NOLC1: variants seen among roughly 807,000 people sequenced by gnomAD.
NOLC1 encodes the protein nucleolar and coiled-body phosphoprotein 1, also known as 140 kDa nucleolar phosphoprotein.
NOLC1 carries 37 observed loss-of-function variants against 73.4 expected under a neutral mutation model. The observed-to-expected ratio is 0.50, with a 90% CI of 0.39 to 0.66. The LOEUF (loss-of-function observed/expected upper bound fraction) is 0.66, where lower values mean the gene tolerates loss of function less well. NOLC1 is among the 30% of genes least tolerant of loss of function. NOLC1 has a pLI of 0.00. For synonymous variants in NOLC1, 327 were observed against 302.6 expected, an observed-to-expected ratio of 1.08 and a Z score of -0.84; for missense variants, 921 against 838.9, an observed-to-expected ratio of 1.10 and a Z score of -1.21.
At chr10:102,160,070 G>A in intron 8 of NOLC1, 46 bp downstream of exon 8, 3 of 1,600,060 alleles carry the variant, frequency 1.9e-6, no homozygotes, top group Non-Finnish European at 2.6e-6. Context: ...GTCTGGAGGA[G>A]GGGATGAGGA....
chr10:102,154,424 G>T (rs1696356285), intron 1 of NOLC1, among the ~76,000 whole-genome samples: 1 of 152,028 alleles, frequency 6.6e-6, no homozygotes, highest in African/African-American at 2.4e-5. Flanking sequence ...TTAATGAGAT[G>T]TGTAGTATTA....
intron 10 of NOLC1, 127 bp from the exon 11 acceptor site, chr10:102,161,429 A>G (rs2069707882): frequency 2.9e-6 from 2 of 690,686 alleles, no homozygotes; most frequent in Non-Finnish European, 5.0e-6. Context: ...ACAGAATCTC[A>G]CTATATTGCC....
At position 102,160,725 on chromosome 10, in the gene NOLC1, C is replaced by G. The variant is rs1332473555; in HGVS notation, c.1373C>G (p.Pro458Arg). 6.2e-7 allele frequency: 1 copy of G among 1,614,124 alleles called. No homozygotes were observed. The highest frequency in any genetic ancestry group is 8.5e-7 in the Non-Finnish European group (1 of 1,179,982). The change falls in exon 10 of 13, where the codon CCT becomes CGT. Residue 458 changes from proline to arginine, a missense_variant. By Grantham distance (103) the Pro-to-Arg change is moderately radical. Transcript: ENST00000605788. ...ACTGCCAAAGCAGCTCTATCTCTGC[C>G]TGCCAAGCAGGCTCCTCAGGGTAGT... is the stretch of plus-strand genomic sequence containing the variant. ...KATAKAALSLPAKQAPQGSRD... is the reference protein window; with the variant it reads ...KATAKAALSLRAKQAPQGSRD...
In NOLC1 at chr10:102,157,218, A is replaced by G. The variant is rs1210231771; in HGVS notation, c.206A>G (p.Gln69Arg). 1.2e-6 allele frequency: 2 copies of G among 1,614,108 alleles called. No homozygotes were observed. The highest frequency in any genetic ancestry group is 1.7e-5 in the Admixed American group (1 of 60,002). ...GCCAAGGTCCCAGAGCGAAAGTTAC[A>G]GGCAAATGGACCAGTGGCTAAGAAA... ...KSAKVPERKLQANGPVAKKAK... is the reference protein window; with the variant it reads ...KSAKVPERKLRANGPVAKKAK... Residue 69 changes from glutamine (Q) to arginine (R), a missense_variant, in exon 3 of 13, where the codon CAG becomes CGG. Transcript: ENST00000605788.
intron 1 of NOLC1, among the ~76,000 whole-genome samples, chr10:102,155,842 A>G (rs1207911278): frequency 6.6e-6 from 1 of 150,848 alleles, no homozygotes; most frequent in Non-Finnish European, 1.5e-5. Flanking sequence ...TCAATACAGT[A>G]CTTACTAGTC....
intron 1 of NOLC1, among the ~76,000 whole-genome samples, chr10:102,153,012 A>T (rs1289814519): frequency 6.6e-6 from 1 of 152,264 alleles, no homozygotes; most frequent in Admixed American, 6.5e-5. Flanking sequence ...GAATGAAAGT[A>T]GAAGCAGAGT....
rs1564971592 is a variant in NOLC1, at chr10:102,160,618, C to G, written c.1266C>G (p.Asp422Glu). The G allele has an allele frequency of 6.2e-7, 1 of 1,614,228 alleles. No individual in the cohort carries two copies. The highest frequency in any genetic ancestry group is 1.1e-5 in the South Asian group (1 of 91,090). The change falls in exon 10 of 13, where the codon GAC becomes GAG. Residue 422 changes from aspartate (D) to glutamate (E), a missense_variant. Physicochemically the swap from Asp to Glu is conservative, Grantham distance 45 (BLOSUM62 2). Transcript: ENST00000605788. ...GGQKLLTRKA[D>E]SSSSEEESSS... ...AGAAGCTTCTGACGAGAAAGGCTGA[C>G]AGCAGCTCCAGTGAGGAAGAGAGCA... is the stretch of plus-strand genomic sequence containing the variant.
chr10:102,162,272 T>G lies in NOLC1; in HGVS notation c.*3T>G, dbSNP rs772656285. On this transcript the variant is annotated 3_prime_UTR_variant, in exon 13 of 13. Transcript: ENST00000605788. Reference sequence around the variant, plus strand: ...CTATTAAGTTTGACAGCGAGTGACCTGAGGCCATCTTCGGTGAAGCAAGGG... The same window carrying G: ...CTATTAAGTTTGACAGCGAGTGACCGGAGGCCATCTTCGGTGAAGCAAGGG... 1 of 1,613,076 alleles carries G rather than the reference T, an allele frequency of 6.2e-7. No homozygotes were observed. The highest frequency in any genetic ancestry group is 8.5e-7 in the Non-Finnish European group (1 of 1,179,444).
intron 1 of NOLC1, among the ~76,000 whole-genome samples, chr10:102,153,414 G>A (rs980143479): frequency 6.6e-6 from 1 of 152,218 alleles, no homozygotes; most frequent in East Asian, 1.9e-4. Context: ...TGCATGGGAA[G>A]ACACTTTGAG....
At chr10:102,153,707 C>CT (rs1358727571) in intron 1 of NOLC1, among the ~76,000 whole-genome samples, 10 of 121,868 alleles carry the variant, frequency 8.2e-5, no homozygotes, top group South Asian at 2.6e-4. Context: ...GACGGAGTCT[C>CT]TGTTGCCCAG....
rs1180904504 is a variant in NOLC1, at chr10:102,160,236, C to T, written c.992C>T (p.Ser331Leu). 9.9e-6 allele frequency: 16 copies of T among 1,613,198 alleles called. No individual in the cohort carries two copies. The highest frequency in any genetic ancestry group is 1.2e-5 in the Non-Finnish European group (14 of 1,179,142). The change falls in exon 9 of 13, where the codon TCA (serine) becomes TTA (leucine). Residue 331 changes from serine to leucine, a missense_variant. By Grantham distance (145) the Ser-to-Leu change is moderately radical. Transcript: ENST00000605788. Reference protein sequence around the residue: ...SSEDSSDESDSSSEEEKKPPT... With the variant: ...SSEDSSDESDLSSEEEKKPPT... The stretch of plus-strand genomic sequence containing the variant: ...TAATGCTACAGGTTCTCCTCAGATT[C>T]AAGTTCTGAAGAAGAGAAGAAACCC...
chr10:102,158,413 C>T (rs375556151), intron 5 of NOLC1, among the ~76,000 whole-genome samples, 199 bp downstream of exon 5: 1 of 151,872 alleles, frequency 6.6e-6, no homozygotes, highest in African/African-American at 2.4e-5. Context: ...AAAGTTATTG[C>T]AGCAAGAAAA....
At chr10:102,154,003 T>G (rs1024233060) in intron 1 of NOLC1, among the ~76,000 whole-genome samples, 1 of 151,368 alleles carries the variant, frequency 6.6e-6, no homozygotes, top group African/African-American at 2.4e-5. Context: ...TGGTTTTATG[T>G]GAGAAAAGCT....
Position 102,160,077 on chromosome 10 carries a change from AG to A in NOLC1, c.988+55del, listed in dbSNP as rs546488210. ...CAGCGTGGGTCTGGAGGAGGGGATGAGGAATAAGGGAGAGAGAAAGCCTTCC... is the reference window on the plus strand; with the variant it reads ...CAGCGTGGGTCTGGAGGAGGGGATGAGAATAAGGGAGAGAGAAAGCCTTCC... On this transcript the variant is annotated intron_variant, in intron 8 of 12. Coordinates refer to ENST00000605788, the MANE Select transcript of NOLC1 (RefSeq NM_004741.5). 1,556 of 1,598,688 alleles carry A rather than the reference AG, an allele frequency of 9.7e-4. 16 individuals are homozygous for A. In the African/African-American group the frequency reaches 0.016, roughly 17 times the overall value.
Position 102,160,299 on chromosome 10 carries a change from C to T in NOLC1, c.1055C>T (p.Pro352Leu). The T allele has an allele frequency of 6.2e-7, 1 of 1,614,196 alleles. No individual in the cohort carries two copies. The highest frequency in any genetic ancestry group is 8.5e-7 in the Non-Finnish European group (1 of 1,180,032). The stretch of plus-strand genomic sequence containing the variant: ...GTAGTCTCTAAAGCAACCACTAAAC[C>T]ACCTCCAGCAAAGAAAGCAGCAGAG... ...KAVVSKATTKPPPAKKAAESS... is the reference protein window; with the variant it reads ...KAVVSKATTKLPPAKKAAESS... The change falls in exon 9 of 13, where the codon CCA becomes CTA. Residue 352 changes from proline to leucine, a missense_variant. Physicochemically the swap from Pro to Leu is moderately conservative, Grantham distance 98 (BLOSUM62 -3). Transcript: ENST00000605788.
intron 5 of NOLC1, among the ~76,000 whole-genome samples, chr10:102,158,668 C>A (rs891066620): frequency 1.3e-5 from 2 of 151,960 alleles, no homozygotes; most frequent in South Asian, 4.1e-4. Flanking sequence ...TTTTAGAGGG[C>A]GTATTGAGAT....
rs145554274 is a variant in NOLC1 at position 102,159,413 on chromosome 10, C to T, written c.724-20C>T. 2 of 1,613,922 alleles carry T rather than the reference C, an allele frequency of 1.2e-6. No homozygotes were observed. The highest frequency in any genetic ancestry group is 2.2e-5 in the South Asian group (2 of 91,060). On this transcript the variant is annotated intron_variant, in intron 6 of 12. Transcript: ENST00000605788. ...TGGGTCAGCATTTTCCTGTGGTAAT[C>T]AATTTTCTTTCTAATGCAGACTGTA...
Position 102,160,856 on chromosome 10 carries a change from G to T in NOLC1, c.1504G>T (p.Ala502Ser). 1 of 1,614,152 alleles carries T rather than the reference G, an allele frequency of 6.2e-7. No homozygotes were observed. Among genetic ancestry groups the T allele is most frequent in the Non-Finnish European group, 8.5e-7 (1 of 1,180,018 alleles). The change falls in exon 10 of 13, where the codon GCC (alanine) becomes TCC (serine). Residue 502 changes from alanine to serine, a missense_variant. By Grantham distance (99) the Ala-to-Ser change is moderately conservative. Coordinates refer to ENST00000605788, the MANE Select transcript of NOLC1 (RefSeq NM_004741.5). ...GCCACAGAAGGTAGCAGGAGGTGCA[G>T]CCCCTTCCAAGCCAGCCTCTGCAAA... Reference protein sequence around the residue: ...KKPQKVAGGAAPSKPASAKKG... With the variant: ...KKPQKVAGGASPSKPASAKKG...
In NOLC1 at chr10:102,157,040, T is replaced by G; in HGVS notation, c.142T>G (p.Ser48Ala). ...ACAGACACAGCAGGATGCCAATGCC[T>G]CTTCCCTCTTAGACATCTATAGCTT... is the stretch of plus-strand genomic sequence containing the variant. The part of the protein sequence containing the change: ...TGATQQDANA[S>A]SLLDIYSFWL... The change falls in exon 2 of 13, where the codon TCT (serine) becomes GCT (alanine). Residue 48 changes from serine (S) to alanine (A), a missense_variant. Physicochemically the swap from Ser to Ala is moderately conservative, Grantham distance 99. Coordinates refer to ENST00000605788, the MANE Select transcript of NOLC1 (RefSeq NM_004741.5). 2 of 1,614,218 alleles carry G rather than the reference T, an allele frequency of 1.2e-6. No individual in the cohort carries two copies. The highest frequency in any genetic ancestry group is 1.7e-6 in the Non-Finnish European group (2 of 1,180,028).
Sources: allele counts gnomAD v4.1 joint callset (sites outside exome capture counted in the v4.1 genomes callset), GRCh38; gene constraint gnomAD v4.1.1; transcripts MANE v1.5; gene names NCBI Gene and HGNC (gene_info 2026-07-23, HGNC 2026-07-21).